KRT13: variants seen among roughly 807,000 people sequenced by gnomAD.
KRT13 encodes keratin 13.
A neutral mutation model predicts 40.6 loss-of-function variants in KRT13; 27 were observed. That is an observed-to-expected ratio of 0.67 (90% CI 0.49 to 0.92). The LOEUF (loss-of-function observed/expected upper bound fraction) is 0.92, where lower values mean the gene tolerates loss of function less well. Ranked by LOEUF, KRT13 falls within the 40% of genes least tolerant of loss-of-function variation. The pLI is 0.00. For synonymous variants in KRT13, 266 were observed against 240.3 expected, an observed-to-expected ratio of 1.11 and a Z score of -0.99; for missense variants, 605 against 611.5, an observed-to-expected ratio of 0.99 and a Z score of 0.11.
chr17:41,502,901 A>G (rs1904914638), intron 4 of KRT13, 36 bp downstream of exon 4: 2 of 1,608,168 alleles, frequency 1.2e-6, no homozygotes, highest in Non-Finnish European at 8.5e-7. Flanking sequence ...CCCTGGCTAT[A>G]TGGGATGGGC....
rs1191033343 is a variant in KRT13 at position 41,503,382 on chromosome 17, C to G, written c.640G>C (p.Val214Leu). The part of the protein sequence containing the change: ...VEADINGLRR[V>L]LDELTLSKTD... The stretch of plus-strand genomic sequence containing the variant: ...TTAGACAGAGTGAGCTCATCCAGCA[C>G]CCGGCGCAGGCCGTTGATGTCGGCC... The change falls in exon 3 of 8, where the codon GTG becomes CTG. Residue 214 changes from valine (V) to leucine (L), a missense_variant. Coordinates refer to ENST00000246635, the MANE Select transcript of KRT13 (RefSeq NM_153490.3). 3.7e-6 allele frequency: 6 copies of G among 1,614,150 alleles called. No individual in the cohort carries two copies. Among genetic ancestry groups the G allele is most frequent in the Admixed American group, 1.7e-5 (1 of 60,014 alleles).
intron 1 of KRT13, chr17:41,504,003 C>T (rs1251562825): frequency 2.9e-5 from 13 of 441,052 alleles, no homozygotes; most frequent in Non-Finnish European, 5.0e-5. Flanking sequence ...CTGGGGGGTC[C>T]ACGTGCTTGA....
At chr17:41,503,130 C>T (rs997422145) in intron 3 of KRT13, 32 bp from the exon 4 acceptor site, 2 of 1,612,206 alleles carry the variant, frequency 1.2e-6, no homozygotes, top group African/African-American at 1.3e-5. Flanking sequence ...ATGTGTGAGG[C>T]TACTCATCCT....
At chr17:41,501,882 C>T in intron 6 of KRT13, 138 bp from the exon 7 acceptor site, 2 of 1,533,780 alleles carry the variant, frequency 1.3e-6, no homozygotes, top group Non-Finnish European at 1.8e-6. Flanking sequence ...GTGCCCCCAG[C>T]TCAAGGGACA....
intron 6 of KRT13, chr17:41,501,984 G>A (rs1567713141): frequency 6.3e-6 from 9 of 1,430,524 alleles, no homozygotes; most frequent in East Asian, 2.6e-5. Flanking sequence ...CAAGATTCAG[G>A]GTGTTTGTCT....
In KRT13 at chr17:41,505,536, C is replaced by T. The variant is rs766421806; in HGVS notation, c.15G>A (p.Leu5=). ...CTCCATAGCTGGCAGAGGAGCTCTG[C>T]AGGCGGAGGCTCATGGTGAGAGCAG... MSLR[L]QSSSASYGGG... is the part of the protein sequence containing the mutation. The change falls in exon 1 of 8, where the codon CTG becomes CTA. Residue 5 remains leucine, a synonymous_variant. Transcript: ENST00000246635. 1 of 1,614,258 alleles carries T rather than the reference C, an allele frequency of 6.2e-7. No homozygotes were observed. The highest frequency in any genetic ancestry group is 8.5e-7 in the Non-Finnish European group (1 of 1,180,042).
intron 1 of KRT13, 100 bp downstream of exon 1, chr17:41,504,956 G>C: frequency 7.1e-7 from 1 of 1,411,042 alleles, no homozygotes. Context: ...CAAGAAGTTT[G>C]TGAATTCCGT....
At chr17:41,501,427 C>T (rs1011091992) in intron 7 of KRT13, 65 bp from the exon 8 acceptor site, 14 of 1,341,052 alleles carry the variant, frequency 1.0e-5, no homozygotes, top group South Asian at 1.3e-5. Flanking sequence ...GGGCAGGGCC[C>T]CCCTGGAGGG....
At position 41,505,235 on chromosome 17, in the gene KRT13, T is replaced by C; in HGVS notation, c.316A>G (p.Ile106Val). 3.1e-6 allele frequency: 5 copies of C among 1,614,124 alleles called. No homozygotes were observed. Among genetic ancestry groups the C allele is most frequent in the Non-Finnish European group, 4.2e-6 (5 of 1,180,024 alleles). ...CGGTCGTTGAGGTTCTGCATGGTGATCTTCTCATTGCCAGTGAGGAGGCCG... is the reference window on the plus strand; with the variant it reads ...CGGTCGTTGAGGTTCTGCATGGTGACCTTCTCATTGCCAGTGAGGAGGCCG... ...DGGLLTGNEKITMQNLNDRLA... is the reference protein window; with the variant it reads ...DGGLLTGNEKVTMQNLNDRLA... Residue 106 changes from isoleucine (I) to valine (V), a missense_variant, in exon 1 of 8, where the codon ATC becomes GTC. By Grantham distance (29) the Ile-to-Val change is conservative (BLOSUM62 3). Coordinates refer to ENST00000246635, the MANE Select transcript of KRT13 (RefSeq NM_153490.3).
Position 41,501,753 on chromosome 17 carries a change from G to T in KRT13, c.1245-9C>A. On this transcript the variant is annotated splice_polypyrimidine_tract_variant and intron_variant, in intron 6 of 7. Transcript: ENST00000246635. ...AAGGGAAACCAATCATCCTGGGAGA[G>T]AGGACAGAGGTGGCCATGAGCAGAG... 6.3e-7 allele frequency: 1 copy of T among 1,595,362 alleles called. No individual in the cohort carries two copies. The highest frequency in any genetic ancestry group is 8.5e-7 in the Non-Finnish European group (1 of 1,170,420).
At position 41,505,369 on chromosome 17, in the gene KRT13, A is replaced by G; in HGVS notation, c.182T>C (p.Phe61Ser). Residue 61 changes from phenylalanine (F) to serine (S), a missense_variant, in exon 1 of 8, where the codon TTT becomes TCT. Physicochemically the swap from Phe to Ser is radical, Grantham distance 155. Transcript: ENST00000246635. ...CGFGGGAGSG[F>S]GGGYGGGLGG... Reference sequence around the variant, plus strand: ...AAGGCCACCTCCATAGCCACCTCCAAAGCCACTACCAGCCCCTCCACCAAA... The same window carrying G: ...AAGGCCACCTCCATAGCCACCTCCAGAGCCACTACCAGCCCCTCCACCAAA... The G allele has an allele frequency of 6.2e-7, 1 of 1,613,718 alleles. No individual in the cohort carries two copies.
rs140780704 is a variant in KRT13, at chr17:41,503,068, C to T, written c.766G>A (p.Gly256Ser). ...EMKEFSNQVV[G>S]QVNVEMDATP... ...GCATCCATCTCCACGTTGACCTGGC[C>T]GACCACCTGGTTGCTAAATTCCTTC... Residue 256 changes from glycine (G) to serine (S), a missense_variant, in exon 4 of 8, where the codon GGC (glycine) becomes AGC (serine). Transcript: ENST00000246635. 1.1e-3 allele frequency: 1,798 copies of T among 1,614,150 alleles called. 3 individuals carry two copies. The highest frequency in any genetic ancestry group is 1.4e-3 in the Non-Finnish European group (1,663 of 1,180,026).
rs763742361 is a variant in KRT13 at position 41,505,457 on chromosome 17, A to G, written c.94T>C (p.Cys32Arg). 3 of 1,614,010 alleles carry G rather than the reference A, an allele frequency of 1.9e-6. No individual in the cohort carries two copies. In the Admixed American group the frequency reaches 5.0e-5, roughly 27 times the overall value. ...CCCCCGGACACAAACCGAGTTGAAC[A>G]GGTAGAGACACCACGGCCTCCTCCC... ...QLGGGRGVST[C>R]STRFVSGGSA... is the part of the protein sequence containing the mutation. The change falls in exon 1 of 8, where the codon TGT (cysteine) becomes CGT (arginine). Residue 32 changes from cysteine (C) to arginine (R), a missense_variant. By Grantham distance (180) the Cys-to-Arg change is radical. Coordinates refer to ENST00000246635, the MANE Select transcript of KRT13 (RefSeq NM_153490.3).
rs138102206 is a variant in KRT13, at chr17:41,503,412, C to A, written c.610G>T (p.Val204Leu). The A allele has an allele frequency of 2.0e-5, 32 of 1,614,112 alleles. No homozygotes were observed. The highest frequency in any genetic ancestry group is 2.1e-5 in the Non-Finnish European group (25 of 1,180,050). The change falls in exon 3 of 8, where the codon GTG becomes TTG. Residue 204 changes from valine to leucine, a missense_variant. Physicochemically the swap from Val to Leu is conservative, Grantham distance 32 (BLOSUM62 1). Transcript: ENST00000246635. The part of the protein sequence containing the change: ...YENELALRQS[V>L]EADINGLRRV... ...CGCAGGCCGTTGATGTCGGCCTCCA[C>A]GCTCTGGCGCAGGGCCAGCTCATTC...
rs1004579794 is a variant in KRT13, at chr17:41,501,001, A to T, written c.*255T>A. 16 of 385,950 alleles carry T rather than the reference A, an allele frequency of 4.1e-5. No homozygotes were observed. Among genetic ancestry groups the T allele is most frequent in the African/African-American group, 3.3e-4 (16 of 48,108 alleles). 23.9% of individuals were successfully genotyped at this position (385,950 alleles called of 1,614,324 possible). A position where few individuals can be genotyped will look rare whatever the true frequency, so the allele number is the denominator to read the frequency against. ...AAAAATATGTTTGCAGAAAGGCAGG[A>T]AACTTTATTGAATAATCTTTTCTTT... On this transcript the variant is annotated 3_prime_UTR_variant, in exon 8 of 8. Coordinates refer to ENST00000246635, the MANE Select transcript of KRT13 (RefSeq NM_153490.3).
intron 7 of KRT13, 150 bp from the exon 8 acceptor site, chr17:41,501,512 G>A: frequency 9.0e-7 from 1 of 1,108,626 alleles, no homozygotes; most frequent in South Asian, 1.4e-5. Context: ...CTCTTCCCAA[G>A]ACAGCCAAAT....
In KRT13 at chr17:41,502,951, A is replaced by T. The variant is rs756740779; in HGVS notation, c.883T>A (p.Trp295Arg). Residue 295 changes from tryptophan (W) to arginine (R), a missense_variant, in exon 4 of 8, where the codon TGG (tryptophan) becomes AGG (arginine). Trp to Arg is a moderately radical substitution (Grantham distance 101). Transcript: ENST00000246635. ...GGGCCGGGTACCTTGGTGTGGAACC[A>T]TTCCTCAGCATCCCGGCGGTTCCTC... Reference protein sequence around the residue: ...AERNRRDAEEWFHTKSAELNK... With the variant: ...AERNRRDAEERFHTKSAELNK... 5.6e-6 allele frequency: 9 copies of T among 1,614,022 alleles called. No individual in the cohort carries two copies. Among genetic ancestry groups the T allele is most frequent in the Non-Finnish European group, 7.6e-6 (9 of 1,180,028 alleles).
intron 7 of KRT13, 62 bp downstream of exon 7, chr17:41,501,657 A>G: frequency 1.3e-6 from 2 of 1,511,518 alleles, no homozygotes; most frequent in Non-Finnish European, 1.8e-6. Flanking sequence ...TCCCACCCCC[A>G]TTGGGGCAGT....
In KRT13 at chr17:41,501,222, T is replaced by C. The variant is rs761493307; in HGVS notation, c.*34A>G. Reference sequence around the variant, plus strand: ...ACTGCCGGCTCTCTCCTCCTCTGGGTGCTGAAGACAGAGGGAGGGGACGCC... The same window carrying C: ...ACTGCCGGCTCTCTCCTCCTCTGGGCGCTGAAGACAGAGGGAGGGGACGCC... On this transcript the variant is annotated 3_prime_UTR_variant, in exon 8 of 8. Coordinates refer to ENST00000246635, the MANE Select transcript of KRT13 (RefSeq NM_153490.3). 2 of 1,445,428 alleles carry C rather than the reference T, an allele frequency of 1.4e-6. No individual in the cohort carries two copies. 89.5% of individuals were successfully genotyped at this position (1,445,428 alleles called of 1,614,324 possible).
Sources: allele counts gnomAD v4.1 joint callset, GRCh38; gene constraint gnomAD v4.1.1; transcripts MANE v1.5; gene names NCBI Gene and HGNC (gene_info 2026-07-23, HGNC 2026-07-21).